STOML3: variants seen among roughly 807,000 people sequenced by gnomAD.
The protein encoded by STOML3 is stomatin-like protein 3.
STOML3 carries 31 observed loss-of-function variants against 29.5 expected under a neutral mutation model. That is an observed-to-expected ratio of 1.05 (90% CI 0.79 to 1.42). The LOEUF (loss-of-function observed/expected upper bound fraction) is 1.42, where lower values mean the gene tolerates loss of function less well. Among genes scored for constraint, STOML3 ranks in the 40% most tolerant of loss-of-function variants. The pLI, the probability that STOML3 is intolerant of heterozygous loss-of-function variation, is 0.00. For missense variants in STOML3, 380 were observed against 363.0 expected (o/e 1.05, Z -0.38); for synonymous variants, 122 against 139.8 (o/e 0.87, Z 0.90).
Position 38,990,826 on chromosome 13 carries a change from A to C in STOML3, c.-105T>G. 3.0e-6 allele frequency: 3 copies of C among 999,664 alleles called. No homozygotes were observed. Among genetic ancestry groups the C allele is most frequent in the Non-Finnish European group, 4.6e-6 (3 of 645,902 alleles). The allele number at this position is 999,664 out of a possible 1,614,324, so 61.9% of individuals were successfully genotyped here. ...TGTGCTTGGGAGAGGGGAGAGGAGA[A>C]AGTATGAGAGAGTGAAAGACATTCC... On this transcript the variant is annotated 5_prime_UTR_variant, in exon 1 of 7. Transcript: ENST00000379631.
intron 1 of STOML3, among the ~76,000 whole-genome samples, chr13:38,988,674 T>G (rs1346273938): frequency 2.9e-5 from 4 of 136,468 alleles, no homozygotes; most frequent in Non-Finnish European, 4.6e-5. Context: ...TATTGAAATT[T>G]TATATATTTG....
chr13:38,980,091 A>G (rs184351927), intron 1 of STOML3: 1 of 1,551,714 alleles, frequency 6.4e-7, no homozygotes, highest in East Asian at 2.4e-5. Context: ...CCCTTGCATC[A>G]TTACACGTGC....
chr13:38,976,842 A>T (rs759413359), intron 1 of STOML3, 45 bp from the exon 2 acceptor site: 12 of 1,540,720 alleles, frequency 7.8e-6, no homozygotes, highest in Admixed American at 3.6e-5. Flanking sequence ...TGTGGTTATT[A>T]AAAAAGCCAC....
chr13:38,988,194 T>TTTTATATTA (rs1236096302), intron 1 of STOML3, among the ~76,000 whole-genome samples: 1 of 60,482 alleles, frequency 1.7e-5, no homozygotes, highest in Non-Finnish European at 2.5e-5. Flanking sequence ...ATAAAATATA[T>TTTTATATTA]TATATTTCAT....
intron 1 of STOML3, among the ~76,000 whole-genome samples, chr13:38,987,110 A>C (rs1053308415): frequency 1.3e-5 from 2 of 152,172 alleles, no homozygotes; most frequent in Middle Eastern, 3.2e-3. Flanking sequence ...AAAGGAAGAA[A>C]GCCTTAATTT....
chr13:38,979,920 G>A (rs1159095118), intron 1 of STOML3: 5 of 850,572 alleles, frequency 5.9e-6, no homozygotes, highest in African/African-American at 1.7e-5. Context: ...AGCACACGCA[G>A]GCAGCTGGGA....
chr13:38,968,071 A>G (rs1448042322), intron 6 of STOML3, among the ~76,000 whole-genome samples: 1 of 152,166 alleles, frequency 6.6e-6, no homozygotes, highest in Non-Finnish European at 1.5e-5. Flanking sequence ...CTGGGTTTGA[A>G]GTAAGGCTTG....
At position 38,977,728 on chromosome 13, in the gene STOML3, A is replaced by G. The variant is rs549922303; in HGVS notation, c.53-931T>C. ...CTCTGTAGCTTTACTTACATCAATT[A>G]TATAATTTCTGAAGTCTCCGGATTT... On this transcript the variant is annotated intron_variant, in intron 1 of 6. Coordinates refer to ENST00000379631, the MANE Select transcript of STOML3 (RefSeq NM_145286.3). 4.5e-5 allele frequency among the ~76,000 whole-genome samples: 6 copies of G among 133,324 alleles called. No homozygotes were observed. In the South Asian group the frequency reaches 7.8e-4, roughly 17 times the overall value. 87.5% of individuals were successfully genotyped at this position (133,324 alleles called of 152,430 possible). A position where few individuals can be genotyped will look rare whatever the true frequency, so the allele number is the denominator to read the frequency against.
At chr13:38,969,709 CATTACT>C (rs1261826080) in intron 5 of STOML3, among the ~76,000 whole-genome samples, 1 of 152,032 alleles carries the variant, frequency 6.6e-6, no homozygotes, top group Non-Finnish European at 1.5e-5. Flanking sequence ...TCATAATTAT[CATTACT>C]ATTAATGTTA....
At chr13:38,969,775 A>T (rs1169560670) in intron 5 of STOML3, among the ~76,000 whole-genome samples, 1 of 152,182 alleles carries the variant, frequency 6.6e-6, no homozygotes, top group African/African-American at 2.4e-5. Flanking sequence ...TGATAGGTCT[A>T]TGCTGTCTCA....
intron 1 of STOML3, among the ~76,000 whole-genome samples, chr13:38,977,562 A>G (rs1235778948): frequency 6.6e-6 from 1 of 152,092 alleles, no homozygotes; most frequent in East Asian, 1.9e-4. Flanking sequence ...AACTTTTCAT[A>G]AAAGTTTTGT....
At chr13:38,971,645 G>C (rs1459871622) in intron 4 of STOML3, among the ~76,000 whole-genome samples, 2 of 152,114 alleles carry the variant, frequency 1.3e-5, no homozygotes, top group Non-Finnish European at 2.9e-5. Flanking sequence ...TATGTGGGCT[G>C]GGTGCAGTGG....
chr13:38,983,570 C>G (rs2138022820), intron 1 of STOML3, among the ~76,000 whole-genome samples: 1 of 152,314 alleles, frequency 6.6e-6, no homozygotes, highest in East Asian at 1.9e-4. Context: ...CTTCTACTGG[C>G]TAATCTGGCC....
intron 1 of STOML3, among the ~76,000 whole-genome samples, chr13:38,977,508 G>A (rs1881122606): frequency 6.6e-6 from 1 of 152,128 alleles, no homozygotes; most frequent in African/African-American, 2.4e-5. Context: ...AGATGAATAT[G>A]TATTCCAGGG....
At chr13:38,977,917 AC>A (rs1881145282) in intron 1 of STOML3, among the ~76,000 whole-genome samples, 1 of 150,346 alleles carries the variant, frequency 6.7e-6, no homozygotes, top group Non-Finnish European at 1.5e-5. Flanking sequence ...CCGCCACCAC[AC>A]CTGGCTAATT....
At chr13:38,988,517 CATATATTTTATATATA>C (rs1868814070) in intron 1 of STOML3, among the ~76,000 whole-genome samples, 2 of 5,902 alleles carry the variant, frequency 3.4e-4, no homozygotes, top group African/African-American at 1.3e-3. Flanking sequence ...TATTTTATAT[CATATATTTTATATATA>C]ATATATTTTA....
intron 1 of STOML3, among the ~76,000 whole-genome samples, chr13:38,980,617 CAA>C (rs1881239334): frequency 6.6e-6 from 1 of 152,188 alleles, no homozygotes. Context: ...ACCAAATCCA[CAA>C]ATGTGTGTAT....
chr13:38,975,322 G>GA (rs5802966), intron 3 of STOML3, among the ~76,000 whole-genome samples: 102,226 of 144,748 alleles, frequency 0.71, 36,610 homozygotes, highest in East Asian at 0.91. Context: ...CTCTGTCTCA[G>GA]AAAAAAAAAA....
chr13:38,968,350 C>A (rs1880731642), intron 6 of STOML3, 50 bp downstream of exon 6: 1 of 1,594,000 alleles, frequency 6.3e-7, no homozygotes, highest in African/African-American at 1.3e-5. Flanking sequence ...TCCTTGTTGG[C>A]CCCAACACTA....
Sources: allele counts gnomAD v4.1 joint callset (sites outside exome capture counted in the v4.1 genomes callset), GRCh38; gene constraint gnomAD v4.1.1; transcripts MANE v1.5; gene names NCBI Gene and HGNC (gene_info 2026-07-23, HGNC 2026-07-21).